The following CLCNKB variants were observed in gnomAD, a reference collection of about 807,000 sequenced individuals.
CLCNKB encodes chloride channel protein ClC-Kb.
CLCNKB carries 74 observed loss-of-function variants against 83.8 expected under a neutral mutation model. That is an observed-to-expected ratio of 0.88 (90% confidence interval 0.73 to 1.07). The LOEUF is 1.07. CLCNKB is among the 50% of genes least tolerant of loss of function. The probability of loss-of-function intolerance (pLI) is 0.00; values close to 1 mark genes in which losing one functional copy is unlikely to be tolerated. For missense variants in CLCNKB, 798 were observed against 893.6 expected (o/e 0.89, Z 1.36); for synonymous variants, 358 against 356.6 (o/e 1.00, Z -0.04).
chr1:16,055,780 T>C lies in CLCNKB; in HGVS notation c.1929+22T>C, dbSNP rs771419764. 1.9e-6 allele frequency: 3 copies of C among 1,607,698 alleles called. No homozygotes were observed. The East Asian group carries it at 6.7e-5, about 36-fold the overall frequency. On this transcript the variant is annotated intron_variant, in intron 18 of 19. Transcript: ENST00000375679. ...TGAGGTAACGGGGAGAACTGGGGAG[T>C]GTGACACATGAGGCCTCTGGGTGGG...
chr1:16,056,492 G>T lies in CLCNKB; in HGVS notation c.2000G>T (p.Cys667Phe). ...ACGTCGCGGGGCAGAGCTGTGGGCTGCGTGTCCTGGGTGGAGGTACCAGGG... is the reference window on the plus strand; with the variant it reads ...ACGTCGCGGGGCAGAGCTGTGGGCTTCGTGTCCTGGGTGGAGGTACCAGGG... ...FVTSRGRAVG[C>F]VSWVEMKKAI... Residue 667 changes from cysteine to phenylalanine, a missense_variant, in exon 19 of 20, where the codon TGC (cysteine) becomes TTC (phenylalanine). Cys to Phe is a radical substitution (Grantham distance 205). Coordinates refer to ENST00000375679, the MANE Select transcript of CLCNKB (RefSeq NM_000085.5). 1 of 1,613,576 alleles carries T rather than the reference G, an allele frequency of 6.2e-7. No homozygotes were observed. Among genetic ancestry groups the T allele is most frequent in the East Asian group, 2.2e-5 (1 of 44,846 alleles).
chr1:16,053,624 C>G lies in CLCNKB; in HGVS notation c.1623-15C>G. 1 of 1,613,812 alleles carries G rather than the reference C, an allele frequency of 6.2e-7. No homozygotes were observed. The highest frequency in any genetic ancestry group is 8.5e-7 in the Non-Finnish European group (1 of 1,180,036). ...CCCTGACTGTGGGGCCTGATGGGAG[C>G]CCCTCTGCCTGCAGTTCCCACCGCG... On this transcript the variant is annotated splice_polypyrimidine_tract_variant and intron_variant, in intron 15 of 19. Transcript: ENST00000375679.
Position 16,044,356 on chromosome 1 carries a change from T to TACACACAC in CLCNKB, c.-7-115_-7-108dup, listed in dbSNP as rs1553127093. On this transcript the variant is annotated intron_variant, in intron 1 of 19. Transcript: ENST00000375679. ...ACAGACCTAGTGTGATAACTTCACA[T>TACACACAC]ACACACACACACACACACACACGCA... The TACACACAC allele has an allele frequency of 8.0e-3, 3,018 of 375,194 alleles. 42 individuals are homozygous for TACACACAC. The highest frequency in any genetic ancestry group is 0.047 in the African/African-American group (2,204 of 46,760). The allele number at this position is 375,194 out of a possible 1,614,324, so 23.2% of individuals were successfully genotyped here.
rs1397161182 is a variant in CLCNKB at position 16,056,278 on chromosome 1, A to T, written c.1930-144A>T. 47 of 884,212 alleles carry T rather than the reference A, an allele frequency of 5.3e-5. 1 individual carries two copies. In the East Asian group the frequency reaches 1.2e-3, roughly 22 times the overall value. 54.8% of individuals were successfully genotyped at this position (884,212 alleles called of 1,614,324 possible). On this transcript the variant is annotated intron_variant, in intron 18 of 19. Coordinates refer to ENST00000375679, the MANE Select transcript of CLCNKB (RefSeq NM_000085.5). ...GACTCTGGCATCCCCCAGTGGCCACATTGGACATTGCAGGCCTGGGTCTCT... is the reference window on the plus strand; with the variant it reads ...GACTCTGGCATCCCCCAGTGGCCACTTTGGACATTGCAGGCCTGGGTCTCT...
At chr1:16,050,447 G>A in intron 10 of CLCNKB, 69 bp from the exon 11 acceptor site, 3 of 1,537,046 alleles carry the variant, frequency 2.0e-6, no homozygotes, top group Non-Finnish European at 2.7e-6. Flanking sequence ...GCCTTGCTAG[G>A]CCCTGCTTCC....
At chr1:16,045,806 G>T in intron 3 of CLCNKB, 120 bp downstream of exon 3, 2 of 1,130,140 alleles carry the variant, frequency 1.8e-6, no homozygotes, top group Non-Finnish European at 2.6e-6. Flanking sequence ...GTGGGGATCT[G>T]GTCCTGGCTT....
chr1:16,052,656 C>T (rs914837697), intron 15 of CLCNKB, among the ~76,000 whole-genome samples: 2 of 152,178 alleles, frequency 1.3e-5, no homozygotes, highest in East Asian at 3.9e-4. Flanking sequence ...TGAGTATTGC[C>T]CCGTGTACAG....
intron 16 of CLCNKB, among the ~76,000 whole-genome samples, chr1:16,054,725 C>T (rs3768290): frequency 0.42 from 64,221 of 151,438 alleles, 14,332 homozygotes; most frequent in East Asian, 0.8. Flanking sequence ...AAAGAAAGAA[C>T]TAGCCTCAAA....
At chr1:16,044,718 C>T (rs542452776) in intron 2 of CLCNKB, 126 bp downstream of exon 2, 13 of 791,246 alleles carry the variant, frequency 1.6e-5, no homozygotes, top group African/African-American at 1.2e-4. Flanking sequence ...GACATGACTG[C>T]CCAAAGTCTC....
chr1:16,048,046 T>A lies in CLCNKB; in HGVS notation c.498+2T>A. On this transcript the variant is annotated splice_donor_variant, in intron 5 of 19. Transcript: ENST00000375679. LOFTEE classifies it high-confidence loss of function. The stretch of plus-strand genomic sequence containing the variant: ...AGCACCCTCTTCCTCGGGAAAGTGG[T>A]ATGGGCAGGGGTGAGGGCATCCCAA... The A allele has an allele frequency of 6.2e-7, 1 of 1,613,200 alleles. No individual in the cohort carries two copies. The highest frequency in any genetic ancestry group is 8.5e-7 in the Non-Finnish European group (1 of 1,179,502).
chr1:16,054,170 G>T (rs2023376513), intron 16 of CLCNKB, among the ~76,000 whole-genome samples: 1 of 152,164 alleles, frequency 6.6e-6, no homozygotes, highest in African/African-American at 2.4e-5. Flanking sequence ...AAAGCATGGT[G>T]GCTCTTGTTA....
chr1:16,049,651 G>A lies in CLCNKB; in HGVS notation c.815G>A (p.Arg272Gln), dbSNP rs747881200. The stretch of plus-strand genomic sequence containing the variant: ...ACCTCCCTCTACAAGACCAGTTTCC[G>A]GGTGGACGTTCCCTTCGACCTGCCT... ...TITSLYKTSF[R>Q]VDVPFDLPEI... The change falls in exon 9 of 20, where the codon CGG becomes CAG. Residue 272 changes from arginine (R) to glutamine (Q), a missense_variant. By Grantham distance (43) the Arg-to-Gln change is conservative. Transcript: ENST00000375679. 8.7e-6 allele frequency: 14 copies of A among 1,609,432 alleles called. No individual in the cohort carries two copies. The highest frequency in any genetic ancestry group is 2.7e-5 in the African/African-American group (2 of 74,610).
chr1:16,051,558 G>A lies in CLCNKB; in HGVS notation c.1297+11G>A. 1 of 1,613,986 alleles carries A rather than the reference G, an allele frequency of 6.2e-7. No individual in the cohort carries two copies. Among genetic ancestry groups the A allele is most frequent in the East Asian group, 2.2e-5 (1 of 44,874 alleles). On this transcript the variant is annotated intron_variant, in intron 13 of 19. Coordinates refer to ENST00000375679, the MANE Select transcript of CLCNKB (RefSeq NM_000085.5). ...CCATCTTTGTCTATGGTGAGTCTGG[G>A]GTCCTGAGGTTCTGAGAGTTTCGGG... is the stretch of plus-strand genomic sequence containing the variant.
At position 16,046,566 on chromosome 1, in the gene CLCNKB, C is replaced by T. The variant is rs1431684482; in HGVS notation, c.261C>T (p.Asp87=). The stretch of plus-strand genomic sequence containing the variant: ...AGTGGCTGTACAGGGAGATTGGGGA[C>T]AGCCACCTGCTCCGGTATCTCTCCT... The part of the protein sequence containing the change: ...AHQWLYREIG[D]SHLLRYLSWT... Residue 87 remains aspartate, a synonymous_variant, in exon 4 of 20, where the codon GAC becomes GAT. Transcript: ENST00000375679. 3 of 1,614,006 alleles carry T rather than the reference C, an allele frequency of 1.9e-6. No homozygotes were observed. Among genetic ancestry groups the T allele is most frequent in the Non-Finnish European group, 8.5e-7 (1 of 1,180,020 alleles).
At position 16,052,406 on chromosome 1, in the gene CLCNKB, C is replaced by T. The variant is rs774431457; in HGVS notation, c.1617C>T (p.Asn539=). 21 of 1,613,382 alleles carry T rather than the reference C, an allele frequency of 1.3e-5. No homozygotes were observed. The highest frequency in any genetic ancestry group is 1.4e-5 in the Non-Finnish European group (17 of 1,180,048). Residue 539 remains asparagine (N), a synonymous_variant, in exon 15 of 20, where the codon AAC becomes AAT. Transcript: ENST00000375679. The part of the protein sequence containing the change: ...LPYLPRILGR[N]IGSHRVRVEH... ...ACCTGCCACGGATTCTGGGCCGCAACATCGGGTGAGTGGTGCCCACCTCAG... is the reference window on the plus strand; with the variant it reads ...ACCTGCCACGGATTCTGGGCCGCAATATCGGGTGAGTGGTGCCCACCTCAG...
chr1:16,046,406 A>G (rs1452068936), intron 3 of CLCNKB, 129 bp from the exon 4 acceptor site: 11 of 1,270,154 alleles, frequency 8.7e-6, no homozygotes, highest in Non-Finnish European at 1.2e-5. Flanking sequence ...GGGGGTCTGC[A>G]CCTCACTGTG....
intron 12 of CLCNKB, among the ~76,000 whole-genome samples, 159 bp downstream of exon 12, chr1:16,051,207 C>T (rs1275554772): frequency 1.3e-5 from 2 of 152,130 alleles, no homozygotes; most frequent in African/African-American, 2.4e-5. Context: ...GTGGCTTCAG[C>T]TCTCTGGGCC....
chr1:16,047,938 C>T lies in CLCNKB; in HGVS notation c.392C>T (p.Ala131Val), dbSNP rs550605543. ...ATCCCGGAGGTGAAGACCATGTTGGCGGGTGTGGTCTTGGAGGACTACCTG... is the reference window on the plus strand; with the variant it reads ...ATCCCGGAGGTGAAGACCATGTTGGTGGGTGTGGTCTTGGAGGACTACCTG... ...SGIPEVKTML[A>V]GVVLEDYLDI... The change falls in exon 5 of 20, where the codon GCG (alanine) becomes GTG (valine). Residue 131 changes from alanine (A) to valine (V), a missense_variant. Physicochemically the swap from Ala to Val is moderately conservative, Grantham distance 64 (BLOSUM62 0). Coordinates refer to ENST00000375679, the MANE Select transcript of CLCNKB (RefSeq NM_000085.5). 4.8e-5 allele frequency: 78 copies of T among 1,614,014 alleles called. No homozygotes were observed. The East Asian group carries it at 1.1e-3, about 22-fold the overall frequency.
At chr1:16,052,657 C>T (rs1186965199) in intron 15 of CLCNKB, among the ~76,000 whole-genome samples, 1 of 152,120 alleles carries the variant, frequency 6.6e-6, no homozygotes, top group East Asian at 1.9e-4. Context: ...GAGTATTGCC[C>T]CGTGTACAGA....
Sources: allele counts gnomAD v4.1 joint callset (sites outside exome capture counted in the v4.1 genomes callset), GRCh38; gene constraint gnomAD v4.1.1; transcripts MANE v1.5; gene names NCBI Gene and HGNC (gene_info 2026-07-23, HGNC 2026-07-21).